DACH2: variants seen among roughly 807,000 people sequenced by gnomAD.
DACH2 encodes dachshund family transcription factor 2.
A neutral mutation model predicts 35.8 loss-of-function variants in DACH2; 17 were observed. That is an observed-to-expected ratio of 0.48 (90% confidence interval 0.33 to 0.71). DACH2 has a LOEUF of 0.71. Ranked by LOEUF, DACH2 falls within the 30% of genes least tolerant of loss-of-function variation. The pLI is 0.02. For synonymous variants in DACH2, 195 were observed against 177.3 expected, an observed-to-expected ratio of 1.10 and a Z score of -0.79; for missense variants, 469 against 472.7, an observed-to-expected ratio of 0.99 and a Z score of 0.07.
chrX:86,537,231 T>C (rs969916594), intron 3 of DACH2, among the ~76,000 whole-genome samples: 2 of 110,999 alleles, frequency 1.8e-5, no homozygotes, highest in Non-Finnish European at 3.8e-5. Flanking sequence ...GGCTTAAGAG[T>C]GTTGCATTAG....
intron 1 of DACH2, among the ~76,000 whole-genome samples, chrX:86,158,128 A>T (rs1261143551): frequency 1.8e-5 from 2 of 111,603 alleles, no homozygotes; most frequent in Admixed American, 1.9e-4. Flanking sequence ...AAATGATAGT[A>T]AATGCGCAGA....
intron 11 of DACH2, among the ~76,000 whole-genome samples, chrX:86,822,017 A>G: frequency 9.0e-6 from 1 of 111,379 alleles, no homozygotes; most frequent in East Asian, 2.8e-4. Context: ...CAGTTACTTT[A>G]TGCCCCATCC....
intron 7 of DACH2, among the ~76,000 whole-genome samples, chrX:86,748,626 C>G (rs1047890288): frequency 1.8e-5 from 2 of 111,687 alleles, no homozygotes; most frequent in Non-Finnish European, 3.8e-5. Context: ...ATGGCTCCAT[C>G]ATAGAGCAGA....
At chrX:86,712,791 C>T (rs890224503) in intron 5 of DACH2, among the ~76,000 whole-genome samples, 10 of 110,851 alleles carry the variant, frequency 9.0e-5, no homozygotes, top group African/African-American at 2.9e-4. Flanking sequence ...AAAGGATTTA[C>T]AGATAGTGAG....
intron 2 of DACH2, among the ~76,000 whole-genome samples, chrX:86,418,740 G>C (rs1050507341): frequency 1.8e-5 from 2 of 111,536 alleles, no homozygotes. Flanking sequence ...ACTGTCTCGG[G>C]GATTAACATT....
chrX:86,678,334 T>C (rs1175309238), intron 4 of DACH2, among the ~76,000 whole-genome samples: 1 of 112,107 alleles, frequency 8.9e-6, no homozygotes, highest in Non-Finnish European at 1.9e-5. Flanking sequence ...TCCAATCAAA[T>C]AACAGACTGT....
chrX:86,233,218 C>T (rs945212445), intron 1 of DACH2, among the ~76,000 whole-genome samples: 2 of 111,066 alleles, frequency 1.8e-5, no homozygotes, highest in African/African-American at 3.3e-5. Flanking sequence ...GGGAGAGGAT[C>T]AGGAAAAATA....
At position 86,763,835 on chromosome X, in the gene DACH2, T is replaced by C. The variant is rs904236912; in HGVS notation, c.1240+23953T>C. Among the ~76,000 whole-genome samples, 10 of 111,894 alleles carry C rather than the reference T, an allele frequency of 8.9e-5. No individual in the cohort carries two copies. In the Admixed American group the frequency reaches 9.5e-4, roughly 11 times the overall value. On this transcript the variant is annotated intron_variant, in intron 7 of 11. Transcript: ENST00000373125. ...TTGCTGGTTACACAAATATGTCCAA[T>C]TTGTGAAAATTCATTGACTTGTATA...
At chrX:86,243,831 C>T (rs1026426902) in intron 1 of DACH2, among the ~76,000 whole-genome samples, 3 of 111,468 alleles carry the variant, frequency 2.7e-5, no homozygotes, top group African/African-American at 9.7e-5. Context: ...CAAATTAATT[C>T]GGGGGTGTAA....
At chrX:86,483,610 TC>T (rs2037976612) in intron 2 of DACH2, among the ~76,000 whole-genome samples, 2 of 110,584 alleles carry the variant, frequency 1.8e-5, no homozygotes, top group African/African-American at 6.6e-5. Flanking sequence ...GCTCAAGTGA[TC>T]CACTTGAGCC....
At position 86,813,196 on chromosome X, in the gene DACH2, G is replaced by A. The variant is rs1427588864; in HGVS notation, c.1456G>A (p.Glu486Lys). 1.0e-5 allele frequency: 12 copies of A among 1,204,587 alleles called. No homozygotes were observed. The Admixed American group carries it at 1.1e-4, about 11-fold the overall frequency. Reference sequence around the variant, plus strand: ...GAAGCAGATTCAACAAGAAAAGAAGGAGCTGCGACTGGAGCTCTATAGAGA... The same window carrying A: ...GAAGCAGATTCAACAAGAAAAGAAGAAGCTGCGACTGGAGCTCTATAGAGA... The part of the protein sequence containing the change: ...QEKQIQQEKK[E>K]LRLELYRERE... Residue 486 changes from glutamate (E) to lysine (K), a missense_variant, in exon 9 of 12, where the codon GAG (glutamate) becomes AAG (lysine). Transcript: ENST00000373125.
intron 1 of DACH2, among the ~76,000 whole-genome samples, chrX:86,226,310 C>G (rs1439210588): frequency 9.0e-6 from 1 of 111,272 alleles, no homozygotes; most frequent in Admixed American, 9.5e-5. Flanking sequence ...TTTTAAATGT[C>G]TGGAAGCTTG....
rs779234217 is a variant in DACH2, at chrX:86,816,040, G to A, written c.1691G>A (p.Gly564Glu). The A allele has an allele frequency of 6.0e-6, 7 of 1,175,204 alleles. No individual in the cohort carries two copies. In the East Asian group the frequency reaches 1.6e-4, roughly 26 times the overall value. ...TGCATGTCATTTATTTCAGATACTG[G>A]AATTCCAGATATTGAAATAGAAAAC... ...DSGLRMLKDT[G>E]IPDIEIENNG... The change falls in exon 11 of 12, where the codon GGA becomes GAA. Residue 564 changes from glycine to glutamate, a missense_variant. Gly to Glu is a moderately conservative substitution (Grantham distance 98). This residue lies in a region of DACH2 where 363 missense variants were observed against 334.4 expected (regional missense o/e 1.09). Transcript: ENST00000373125.
chrX:86,390,339 G>C (rs1318069026), intron 2 of DACH2, among the ~76,000 whole-genome samples: 1 of 111,501 alleles, frequency 9.0e-6, no homozygotes, highest in Non-Finnish European at 1.9e-5. Context: ...TTAAAATTAT[G>C]GTGAATGATA....
intron 1 of DACH2, among the ~76,000 whole-genome samples, chrX:86,258,599 T>C (rs900670660): frequency 8.9e-6 from 1 of 111,819 alleles, no homozygotes; most frequent in African/African-American, 3.2e-5. Context: ...GGTATCTTAA[T>C]AGAAACTCAC....
At chrX:86,635,346 A>C (rs962395879) in intron 3 of DACH2, among the ~76,000 whole-genome samples, 1 of 92,053 alleles carries the variant, frequency 1.1e-5, no homozygotes, top group African/African-American at 4.1e-5. Context: ...AAAAAAAAAA[A>C]ACCTCTCAAA....
At chrX:86,375,386 C>CAT (rs746039983) in intron 1 of DACH2, among the ~76,000 whole-genome samples, 135 of 95,574 alleles carry the variant, frequency 1.4e-3, no homozygotes, top group East Asian at 2.8e-3. Context: ...ATATATAATA[C>CAT]ATATATATAT....
At chrX:86,243,361 A>G (rs1403097134) in intron 1 of DACH2, among the ~76,000 whole-genome samples, 1 of 112,124 alleles carries the variant, frequency 8.9e-6, no homozygotes, top group Admixed American at 9.5e-5. Flanking sequence ...ATGTGTGATG[A>G]TAATATGTGT....
intron 7 of DACH2, among the ~76,000 whole-genome samples, chrX:86,766,698 A>G (rs2147290257): frequency 8.9e-6 from 1 of 112,012 alleles, no homozygotes; most frequent in African/African-American, 3.2e-5. Flanking sequence ...TGAAATCCCA[A>G]TCAGGCTTTC....
Sources: allele counts gnomAD v4.1 joint callset (sites outside exome capture counted in the v4.1 genomes callset), GRCh38; gene constraint gnomAD v4.1.1; regional missense constraint gnomAD v4.1.1; transcripts MANE v1.5; gene names NCBI Gene and HGNC (gene_info 2026-07-23, HGNC 2026-07-21).